Variants in FMN2 observed in about 807,000 individuals in gnomAD.
FMN2 encodes formin-2.
Under a neutral mutation model 142.3 loss-of-function variants are expected in FMN2, and 51 were observed. The observed-to-expected ratio is 0.36, with a 90% CI of 0.29 to 0.45. The LOEUF is 0.45. Among genes scored for constraint, FMN2 ranks in the 20% least tolerant of loss-of-function variants. The pLI, the probability that FMN2 is intolerant of heterozygous loss-of-function variation, is 1.00. For missense variants in FMN2, 1,936 were observed against 2,122.8 expected (o/e 0.91, Z 1.73); for synonymous variants, 882 against 869.8 (o/e 1.01, Z -0.25).
rs572447107 is a variant in FMN2, at chr1:240,172,412, C to T, written c.1783-5509C>T. On this transcript the variant is annotated intron_variant, in intron 2 of 17. Coordinates refer to ENST00000319653, the MANE Select transcript of FMN2 (RefSeq NM_020066.5). ...GTAGGTGAGATAATGATTTTCAATT[C>T]CTCTGAAAAGGATTTTTTTAAAGAA... Among the ~76,000 whole-genome samples the T allele has an allele frequency of 3.3e-5, 5 of 152,096 alleles. No homozygotes were observed. The South Asian group carries it at 1.0e-3, about 32-fold the overall frequency.
At chr1:240,141,872 C>T (rs1321509096) in intron 2 of FMN2, among the ~76,000 whole-genome samples, 1 of 151,652 alleles carries the variant, frequency 6.6e-6, no homozygotes, top group Non-Finnish European at 1.5e-5. Flanking sequence ...GGGAAGTCCT[C>T]AGAAGTTGGG....
intron 14 of FMN2, among the ~76,000 whole-genome samples, chr1:240,384,453 CCA>C (rs1294972862): frequency 6.6e-6 from 1 of 152,090 alleles, no homozygotes. Context: ...CATTGTATTT[CCA>C]GTTTTGTCTC....
At position 240,249,916 on chromosome 1, in the gene FMN2, A is replaced by G. The variant is rs893019404; in HGVS notation, c.4066-8029A>G. On this transcript the variant is annotated intron_variant, in intron 6 of 17. Transcript: ENST00000319653. ...GCTAGTTCATTATTGTTCTGTAGGA[A>G]CTAGTGATTTTTGTATGTTGATTTT... Among the ~76,000 whole-genome samples, 11 of 151,976 alleles carry G rather than the reference A, an allele frequency of 7.2e-5. No individual in the cohort carries two copies. In the East Asian group the frequency reaches 1.7e-3, roughly 24 times the overall value.
At chr1:240,143,320 G>A (rs781357052) in intron 2 of FMN2, 23 of 1,508,398 alleles carry the variant, frequency 1.5e-5, no homozygotes, top group Non-Finnish European at 2.1e-5. Flanking sequence ...TAAAGGTACA[G>A]CCCTCCGGAG....
intron 4 of FMN2, among the ~76,000 whole-genome samples, chr1:240,194,056 T>G (rs560069910): frequency 1.2e-4 from 18 of 152,258 alleles, no homozygotes; most frequent in East Asian, 9.7e-4. Context: ...TTGTTTGTTT[T>G]TTGTTGTTGT....
intron 2 of FMN2, among the ~76,000 whole-genome samples, chr1:240,159,917 A>ATATATATCTGTG (rs1664197513): frequency 7.8e-6 from 1 of 128,522 alleles, no homozygotes; most frequent in Admixed American, 8.5e-5. Context: ...ATATATATAT[A>ATATATATCTGTG]TATATATATA....
intron 15 of FMN2, among the ~76,000 whole-genome samples, chr1:240,435,175 T>A (rs964987707): frequency 1.6e-4 from 25 of 152,130 alleles, no homozygotes; most frequent in African/African-American, 5.3e-4. Flanking sequence ...ATACATATAT[T>A]ACTACTTCAG....
chr1:240,230,178 A>G (rs1261509857), intron 6 of FMN2, among the ~76,000 whole-genome samples: 4 of 128,690 alleles, frequency 3.1e-5, no homozygotes, highest in Admixed American at 3.0e-4. Context: ...TTAGTTGGGC[A>G]TGGTGGCATG....
chr1:240,405,345 G>A (rs575476896), intron 15 of FMN2, among the ~76,000 whole-genome samples: 20 of 152,258 alleles, frequency 1.3e-4, no homozygotes, highest in African/African-American at 4.3e-4. Flanking sequence ...TAGGCCGGGC[G>A]CGGTGCCTCA....
intron 16 of FMN2, among the ~76,000 whole-genome samples, chr1:240,461,544 GA>G (rs1270599533): frequency 6.6e-6 from 1 of 152,114 alleles, no homozygotes; most frequent in Non-Finnish European, 1.5e-5. Flanking sequence ...TCTCTAAAGG[GA>G]AATGGATATT....
chr1:240,445,662 A>G (rs979043585), intron 16 of FMN2, among the ~76,000 whole-genome samples: 3 of 150,734 alleles, frequency 2.0e-5, no homozygotes, highest in African/African-American at 7.3e-5. Context: ...CATGGTAAAC[A>G]TTGACTTTTA....
At chr1:240,360,890 A>G (rs1672440234) in intron 14 of FMN2, among the ~76,000 whole-genome samples, 1 of 151,554 alleles carries the variant, frequency 6.6e-6, no homozygotes, top group South Asian at 2.1e-4. Context: ...CAAACACTGC[A>G]TGTTCTCACT....
At chr1:240,342,459 C>T (rs931584282) in intron 13 of FMN2, among the ~76,000 whole-genome samples, 5 of 152,122 alleles carry the variant, frequency 3.3e-5, no homozygotes, top group African/African-American at 1.2e-4. Flanking sequence ...TAGACTCCTC[C>T]CAGTTTTCAC....
chr1:240,461,834 A>G lies in FMN2; in HGVS notation c.5061-10538A>G, dbSNP rs139062012. On this transcript the variant is annotated intron_variant, in intron 16 of 17. Transcript: ENST00000319653. The stretch of plus-strand genomic sequence containing the variant: ...CTCATGTTTGGTCACAAGGTGGTCA[A>G]ATGAGATGGTGCACATGATATGCCC... Among the ~76,000 whole-genome samples, 520 of 152,270 alleles carry G rather than the reference A, an allele frequency of 3.4e-3. 6 individuals are homozygous for G. The highest frequency in any genetic ancestry group is 0.012 in the African/African-American group (489 of 41,568).
Position 240,091,961 on chromosome 1 carries a change from G to A in FMN2, c.-149G>A, listed in dbSNP as rs6675871. ...GCGGCGGCAGATGCGAGCGGGGCCA[G>A]CCGGGCGCGCGTCGGCCTCCCCTCC... is the stretch of plus-strand genomic sequence containing the variant. On this transcript the variant is annotated 5_prime_UTR_variant, in exon 1 of 18. Coordinates refer to ENST00000319653, the MANE Select transcript of FMN2 (RefSeq NM_020066.5). 1,355 of 1,308,282 alleles carry A rather than the reference G, an allele frequency of 1.0e-3. 8 individuals carry two copies. The African/African-American group carries it at 0.017, about 16-fold the overall frequency. 81.0% of individuals were successfully genotyped at this position (1,308,282 alleles called of 1,614,324 possible).
chr1:240,334,205 A>C lies in FMN2; in HGVS notation c.4741A>C (p.Arg1581=). ...GTTTGAAGATTTTCAAAAAGATCTC[A>C]GAAAACTGAAGAAAGACTTGAAAGG... ...MKFEDFQKDL[R]KLKKDLKACE... Residue 1581 remains arginine (R), a synonymous_variant, in exon 13 of 18, where the codon AGA becomes CGA. Transcript: ENST00000319653. 1 of 1,601,724 alleles carries C rather than the reference A, an allele frequency of 6.2e-7. No homozygotes were observed. Among genetic ancestry groups the C allele is most frequent in the Non-Finnish European group, 8.5e-7 (1 of 1,176,880 alleles).
At chr1:240,199,281 T>C (rs7533066) in intron 4 of FMN2, among the ~76,000 whole-genome samples, 3,237 of 152,298 alleles carry the variant, frequency 0.021, 127 homozygotes, top group African/African-American at 0.073. Flanking sequence ...ATATATCTCA[T>C]GTTAAAATTT....
chr1:240,185,767 T>C (rs1665420080), intron 3 of FMN2, among the ~76,000 whole-genome samples: 1 of 152,204 alleles, frequency 6.6e-6, no homozygotes, highest in South Asian at 2.1e-4. Context: ...ACGATCTAAA[T>C]AGAAGAGGAA....
chr1:240,315,159 G>A (rs1349208559), intron 8 of FMN2, among the ~76,000 whole-genome samples: 2 of 152,166 alleles, frequency 1.3e-5, no homozygotes, highest in Non-Finnish European at 2.9e-5. Context: ...ATGGACTTAA[G>A]ACTAAGCATA....
Sources: gnomAD v4.1 joint callset for allele counts (sites outside exome capture counted in the v4.1 genomes callset) on GRCh38, gnomAD v4.1.1 for gene constraint, MANE v1.5 for transcripts, NCBI Gene and HGNC (gene_info 2026-07-23, HGNC 2026-07-21) for gene names.